Variants in TTYH3 observed in about 807,000 individuals in gnomAD.
TTYH3 encodes the protein tweety family member 3.
TTYH3 carries 23 observed loss-of-function variants against 68.2 expected under a neutral mutation model. That is an observed-to-expected ratio of 0.34 (90% CI 0.24 to 0.48). TTYH3 has a LOEUF of 0.48. Ranked by LOEUF, TTYH3 falls within the 20% of genes least tolerant of loss-of-function variation. The pLI, the probability that TTYH3 is intolerant of heterozygous loss-of-function variation, is 0.99. For synonymous variants in TTYH3, 360 were observed against 332.8 expected, an observed-to-expected ratio of 1.08 and a Z score of -0.89; for missense variants, 768 against 727.7, an observed-to-expected ratio of 1.06 and a Z score of -0.64.
Position 2,646,975 on chromosome 7 carries a change from C to G in TTYH3, c.246C>G (p.Asp82Glu). 6.3e-7 allele frequency: 1 copy of G among 1,595,294 alleles called. No homozygotes were observed. The highest frequency in any genetic ancestry group is 8.5e-7 in the Non-Finnish European group (1 of 1,175,360). ...AGAGCGAGGAGCACCTGGACGCCGA[C>G]TGCTGCTGCACGGCCTGGTGTGTCA... ...RRKSEEHLDA[D>E]CCCTAWCVII... The change falls in exon 2 of 14, where the codon GAC (aspartate) becomes GAG (glutamate). Residue 82 changes from aspartate (D) to glutamate (E), a missense_variant. By Grantham distance (45) the Asp-to-Glu change is conservative. Transcript: ENST00000258796.
chr7:2,649,844 T>A, intron 6 of TTYH3, 69 bp from the exon 7 acceptor site: 1 of 1,571,828 alleles, frequency 6.4e-7, no homozygotes, highest in Non-Finnish European at 8.7e-7. Context: ...GGGGACGGGT[T>A]CTACCCCCGA....
At chr7:2,661,112 T>A (rs1786483634) in intron 13 of TTYH3, among the ~76,000 whole-genome samples, 1 of 152,110 alleles carries the variant, frequency 6.6e-6, no homozygotes, top group Admixed American at 6.5e-5. Flanking sequence ...CTGTGTGGCT[T>A]AAGGGGCCCT....
chr7:2,647,921 G>A (rs778873410), intron 4 of TTYH3, 38 bp from the exon 5 acceptor site: 4 of 1,599,568 alleles, frequency 2.5e-6, no homozygotes, highest in Non-Finnish European at 3.4e-6. Context: ...CAGGCCCCGG[G>A]TCCCTGTGCC....
In TTYH3 at chr7:2,647,905, C is replaced by T. The variant is rs1786044701; in HGVS notation, c.627-54C>T. 4 of 1,589,032 alleles carry T rather than the reference C, an allele frequency of 2.5e-6. No individual in the cohort carries two copies. In the South Asian group the frequency reaches 3.3e-5, roughly 13 times the overall value. ...TCCCCCTCAAGGGCCCCTGGCGCCC[C>T]ACTCCCAGGCCCCGGGTCCCTGTGC... is the stretch of plus-strand genomic sequence containing the variant. On this transcript the variant is annotated intron_variant, in intron 4 of 13. Transcript: ENST00000258796.
At chr7:2,660,504 G>A in intron 13 of TTYH3, 1 of 985,388 alleles carries the variant, frequency 1.0e-6, no homozygotes, top group Non-Finnish European at 1.2e-6. Flanking sequence ...GGTGGTGCGG[G>A]TGCCTGCTTG....
chr7:2,654,492 C>T (rs1349585800), intron 9 of TTYH3, among the ~76,000 whole-genome samples: 1 of 148,598 alleles, frequency 6.7e-6, no homozygotes, highest in East Asian at 2.0e-4. Flanking sequence ...CACACACACA[C>T]AATTGCTTTG....
chr7:2,648,931 G>A (rs981141342), intron 5 of TTYH3, among the ~76,000 whole-genome samples: 8 of 151,892 alleles, frequency 5.3e-5, no homozygotes, highest in Admixed American at 2.0e-4. Context: ...GCCCGCAGTG[G>A]GGTGTGGGGC....
chr7:2,647,207 A>T lies in TTYH3; in HGVS notation c.359A>T (p.Tyr120Phe). Residue 120 changes from tyrosine (Y) to phenylalanine (F), a missense_variant, in exon 3 of 14, where the codon TAC becomes TTC. Physicochemically the swap from Tyr to Phe is conservative, Grantham distance 22 (BLOSUM62 3). Coordinates refer to ENST00000258796, the MANE Select transcript of TTYH3 (RefSeq NM_025250.3). ...AGTGATGGCATCCATAGGGCCACCT[A>T]CTCGCTCCGCCACGCCAACCGCACG... is the stretch of plus-strand genomic sequence containing the variant. ...ETSDGIHRATYSLRHANRTVA... is the reference protein window; with the variant it reads ...ETSDGIHRATFSLRHANRTVA... The T allele has an allele frequency of 6.2e-7, 1 of 1,604,734 alleles. No individual in the cohort carries two copies. Among genetic ancestry groups the T allele is most frequent in the East Asian group, 2.2e-5 (1 of 44,548 alleles).
chr7:2,637,501 G>A (rs1047595393), intron 1 of TTYH3, among the ~76,000 whole-genome samples: 5 of 152,156 alleles, frequency 3.3e-5, no homozygotes, highest in Non-Finnish European at 7.4e-5. Context: ...AGCCACGTCC[G>A]TCCCAGTGGA....
At chr7:2,638,869 C>T (rs1442307787) in intron 1 of TTYH3, among the ~76,000 whole-genome samples, 2 of 152,140 alleles carry the variant, frequency 1.3e-5, no homozygotes, top group Admixed American at 1.3e-4. Flanking sequence ...GCAAGGGGAC[C>T]CACGAGGCAA....
intron 1 of TTYH3, among the ~76,000 whole-genome samples, chr7:2,640,150 C>T (rs112852137): frequency 0.013 from 1,907 of 152,338 alleles, 34 homozygotes; most frequent in African/African-American, 0.041. Flanking sequence ...AGCGAGCAGC[C>T]GTGGCTGGAA....
chr7:2,643,554 G>T (rs182374295), intron 1 of TTYH3, among the ~76,000 whole-genome samples: 171 of 152,336 alleles, frequency 1.1e-3, no homozygotes, highest in African/African-American at 3.8e-3. Flanking sequence ...TCCCCACCGG[G>T]CATGGGCGTC....
Position 2,661,664 on chromosome 7 carries a change from C to G in TTYH3, c.1501-4C>G. 1 of 1,612,168 alleles carries G rather than the reference C, an allele frequency of 6.2e-7. No individual in the cohort carries two copies. Among genetic ancestry groups the G allele is most frequent in the Non-Finnish European group, 8.5e-7 (1 of 1,179,438 alleles). On this transcript the variant is annotated splice_polypyrimidine_tract_variant and splice_region_variant and intron_variant, in intron 13 of 13. Transcript: ENST00000258796. ...GCTGATGCCTCCCCCTTGTCTCCCT[C>G]CAGTACACCTCCAGCATGAGAGCCA...
rs759766570 is a variant in TTYH3, at chr7:2,647,170, A to G, written c.322A>G (p.Asn108Asp). The part of the protein sequence containing the change: ...SAGIAVGFYG[N>D]GETSDGIHRA... Reference sequence around the variant, plus strand: ...CGGCATCGCAGTGGGATTCTACGGCAACGGGGAGACCAGTGATGGCATCCA... The same window carrying G: ...CGGCATCGCAGTGGGATTCTACGGCGACGGGGAGACCAGTGATGGCATCCA... Residue 108 changes from asparagine (N) to aspartate (D), a missense_variant, in exon 3 of 14, where the codon AAC becomes GAC. Asn to Asp is a conservative substitution (Grantham distance 23, BLOSUM62 1). Coordinates refer to ENST00000258796, the MANE Select transcript of TTYH3 (RefSeq NM_025250.3). The G allele has an allele frequency of 1.2e-5, 20 of 1,606,722 alleles. No homozygotes were observed. The highest frequency in any genetic ancestry group is 1.7e-5 in the Non-Finnish European group (20 of 1,178,088).
intron 1 of TTYH3, among the ~76,000 whole-genome samples, chr7:2,644,162 A>C (rs1274078736): frequency 3.3e-5 from 5 of 151,948 alleles, no homozygotes; most frequent in Non-Finnish European, 7.4e-5. Flanking sequence ...GGTCCTGTGG[A>C]GCTCTGGTCC....
rs969317818 is a variant in TTYH3 at position 2,647,136 on chromosome 7, C to T, written c.294-6C>T. Reference sequence around the variant, plus strand: ...GGGCTACATCTCACGGGCCCGCCCTCTCCAGCGCCGGCATCGCAGTGGGAT... The same window carrying T: ...GGGCTACATCTCACGGGCCCGCCCTTTCCAGCGCCGGCATCGCAGTGGGAT... On this transcript the variant is annotated splice_polypyrimidine_tract_variant and splice_region_variant and intron_variant, in intron 2 of 13. Coordinates refer to ENST00000258796, the MANE Select transcript of TTYH3 (RefSeq NM_025250.3). 4.4e-6 allele frequency: 7 copies of T among 1,597,076 alleles called. No individual in the cohort carries two copies. The South Asian group carries it at 7.9e-5, about 18-fold the overall frequency.
At chr7:2,636,085 G>C (rs1785649331) in intron 1 of TTYH3, among the ~76,000 whole-genome samples, 1 of 152,220 alleles carries the variant, frequency 6.6e-6, no homozygotes, top group South Asian at 2.1e-4. Context: ...TGAGCTCTGG[G>C]AGTAGGGCCA....
At chr7:2,660,355 A>G (rs66872721) in intron 13 of TTYH3, 153,792 of 985,052 alleles carry the variant, frequency 0.16, 12,182 homozygotes, top group Middle Eastern at 0.2. Context: ...GAATCCATGC[A>G]CCCAGACCCC....
intron 13 of TTYH3, among the ~76,000 whole-genome samples, chr7:2,661,068 C>T (rs1233311701): frequency 7.7e-4 from 3 of 3,888 alleles, no homozygotes; most frequent in East Asian, 6.5e-3. Context: ...AGTTGGGTCC[C>T]CCACGGGAGG....
Sources: allele counts gnomAD v4.1 joint callset (sites outside exome capture counted in the v4.1 genomes callset), GRCh38; gene constraint gnomAD v4.1.1; transcripts MANE v1.5; gene names NCBI Gene and HGNC (gene_info 2026-07-23, HGNC 2026-07-21).